Variants in UPRT observed in about 807,000 individuals in gnomAD.
UPRT encodes uracil phosphoribosyltransferase homolog.
In UPRT, 5 loss-of-function variants were observed where a neutral mutation model predicts 22.6. The observed-to-expected ratio is 0.22, with a 90% CI of 0.12 to 0.47. The LOEUF (loss-of-function observed/expected upper bound fraction) is 0.47. Ranked by LOEUF, UPRT falls within the 20% of genes least tolerant of loss-of-function variation. The probability of loss-of-function intolerance (pLI) is 0.99; values close to 1 mark genes in which losing one functional copy is unlikely to be tolerated. For missense variants in UPRT, 181 were observed against 239.9 expected, an observed-to-expected ratio of 0.75 and a Z score of 1.62; for synonymous variants, 77 against 87.7, an observed-to-expected ratio of 0.88 and a Z score of 0.68.
chrX:75,275,656 C>T (rs1356661610), intron 1 of UPRT, among the ~76,000 whole-genome samples: 1 of 111,462 alleles, frequency 9.0e-6, no homozygotes, highest in Non-Finnish European at 1.9e-5. Flanking sequence ...AATTGCCCTA[C>T]TCAGCAACCT....
At chrX:75,234,398 A>T (rs1183323194) in intron 4 of UPRT, among the ~76,000 whole-genome samples, 13 of 111,093 alleles carry the variant, frequency 1.2e-4, no homozygotes, top group South Asian at 3.8e-4. Context: ...GTCAACAAGG[A>T]TACCCAGGAA....
chrX:75,265,075 G>T (rs1191399804), intron 4 of UPRT, among the ~76,000 whole-genome samples: 1 of 111,904 alleles, frequency 8.9e-6, no homozygotes, highest in African/African-American at 3.2e-5. Flanking sequence ...GCTTCCCTTT[G>T]TGGGTAACCC....
chrX:75,193,071 C>T (rs146157006), intron 4 of UPRT, among the ~76,000 whole-genome samples: 3,246 of 111,988 alleles, frequency 0.029, 116 homozygotes, highest in African/African-American at 0.1. Context: ...TCCTGGTCTA[C>T]GTACTTAAGT....
intron 4 of UPRT, among the ~76,000 whole-genome samples, chrX:75,176,454 G>T (rs2082247046): frequency 9.0e-6 from 1 of 111,553 alleles, no homozygotes; most frequent in South Asian, 3.8e-4. Flanking sequence ...AGACCCTGTA[G>T]GACATCTATG....
intron 4 of UPRT, among the ~76,000 whole-genome samples, chrX:75,191,159 G>A (rs938462921): frequency 1.8e-5 from 2 of 112,224 alleles, no homozygotes; most frequent in Admixed American, 1.9e-4. Flanking sequence ...GGGTTTTGGT[G>A]TGGATGTCCT....
intron 4 of UPRT, among the ~76,000 whole-genome samples, chrX:75,299,417 A>G (rs1162680879): frequency 8.9e-6 from 1 of 112,112 alleles, no homozygotes; most frequent in East Asian, 2.8e-4. Context: ...TATTCCTGAT[A>G]TTAAAAAAGC....
chrX:75,256,236 A>T (rs1057121385), intron 4 of UPRT, among the ~76,000 whole-genome samples: 8 of 112,039 alleles, frequency 7.1e-5, no homozygotes, highest in Non-Finnish European at 1.5e-4. Flanking sequence ...CAAATACATG[A>T]AAATTAAATA....
chrX:75,156,466 T>C, exon 1 of UPRT: 1 of 502,796 alleles, frequency 2.0e-6, no homozygotes, highest in South Asian at 2.9e-5. Context: ...TTGATTGTTT[T>C]CCTTACACAA....
intron 4 of UPRT, among the ~76,000 whole-genome samples, chrX:75,187,214 C>T (rs188123998): frequency 2.2e-3 from 243 of 111,087 alleles, no homozygotes; most frequent in Middle Eastern, 9.2e-3. Flanking sequence ...TTAGGGCAGG[C>T]CTGGTGGTGA....
At chrX:75,180,681 G>GTTTTTTTTTTTGTTTTTTTTTTTTT (rs2082266175) in intron 4 of UPRT, among the ~76,000 whole-genome samples, 1 of 43,895 alleles carries the variant, frequency 2.3e-5, no homozygotes, top group Non-Finnish European at 3.8e-5. Context: ...CCTTTTCTCT[G>GTTTTTTTTTTTGTTTTTTTTTTTTT]TTTTTTTTTT....
intron 4 of UPRT, among the ~76,000 whole-genome samples, chrX:75,187,605 T>A (rs765631309): frequency 8.5e-4 from 95 of 112,316 alleles, no homozygotes; most frequent in African/African-American, 3.0e-3. Flanking sequence ...CCGAATAATA[T>A]CCTTCAGAGT....
At chrX:75,179,509 G>A (rs1006929562) in intron 4 of UPRT, among the ~76,000 whole-genome samples, 1 of 113,471 alleles carries the variant, frequency 8.8e-6, no homozygotes, top group African/African-American at 3.2e-5. Context: ...CGCGCCATGC[G>A]CTCGCACTCC....
At chrX:75,235,614 T>A (rs2082459018) in intron 4 of UPRT, among the ~76,000 whole-genome samples, 1 of 111,804 alleles carries the variant, frequency 8.9e-6, no homozygotes, top group African/African-American at 3.3e-5. Context: ...CAAGTGGGCT[T>A]CATCTCTGGG....
chrX:75,190,004 A>G (rs1282661899), intron 4 of UPRT, among the ~76,000 whole-genome samples: 1 of 111,776 alleles, frequency 8.9e-6, no homozygotes, highest in Non-Finnish European at 1.9e-5. Flanking sequence ...TTATGTGTGC[A>G]TTGGATCCTG....
chrX:75,165,747 GTTTT>G (rs751381869), intron 3 of UPRT, among the ~76,000 whole-genome samples: 1 of 111,645 alleles, frequency 9.0e-6, no homozygotes, highest in Admixed American at 9.5e-5. Context: ...ATTGTTTTCT[GTTTT>G]TTAAGATAAT....
intron 4 of UPRT, among the ~76,000 whole-genome samples, chrX:75,197,140 A>T (rs2082334915): frequency 9.0e-6 from 1 of 111,539 alleles, no homozygotes; most frequent in African/African-American, 3.3e-5. Context: ...AAGGTGAAAA[A>T]GAAAAAATAA....
intron 3 of UPRT, among the ~76,000 whole-genome samples, chrX:75,166,443 C>T: frequency 8.9e-6 from 1 of 111,749 alleles, no homozygotes; most frequent in Middle Eastern, 4.6e-3. Context: ...CAAACTACGA[C>T]AGCCTCCTCC....
chrX:75,283,995 ATTC>A (rs1180663571), intron 1 of UPRT, among the ~76,000 whole-genome samples: 1 of 111,393 alleles, frequency 9.0e-6, no homozygotes, highest in Non-Finnish European at 1.9e-5. Flanking sequence ...ATATTTTCTT[ATTC>A]TTTTTTCTTT....
intron 1 of UPRT, among the ~76,000 whole-genome samples, chrX:75,276,775 T>A (rs1300278708): frequency 9.0e-6 from 1 of 111,648 alleles, no homozygotes; most frequent in Non-Finnish European, 1.9e-5. Flanking sequence ...TTAAAGTGTA[T>A]AATTCAGTGG....
Sources: allele counts gnomAD v4.1 joint callset (sites outside exome capture counted in the v4.1 genomes callset), GRCh38; gene constraint gnomAD v4.1.1; transcripts MANE v1.5; gene names NCBI Gene and HGNC (gene_info 2026-07-23, HGNC 2026-07-21).